DLGAP2: variants seen among roughly 807,000 people sequenced by gnomAD.
DLGAP2 encodes the protein DLG associated protein 2, also known as disks large-associated protein 2.
A neutral mutation model predicts 100.3 loss-of-function variants in DLGAP2; 26 were observed. The ratio of observed to expected loss-of-function variants is 0.26; its 90% CI spans 0.19 to 0.36. The LOEUF (loss-of-function observed/expected upper bound fraction) is 0.36. DLGAP2 is among the 10% of genes least tolerant of loss of function. The pLI is 1.00. For missense variants in DLGAP2, 1,858 were observed against 1,453.2 expected, an observed-to-expected ratio of 1.28 and a Z score of -4.53; for synonymous variants, 886 against 630.1, an observed-to-expected ratio of 1.41 and a Z score of -6.08.
intron 1 of DLGAP2, among the ~76,000 whole-genome samples, chr8:848,070 C>T (rs1386452720): frequency 6.6e-6 from 1 of 152,120 alleles, no homozygotes; most frequent in Non-Finnish European, 1.5e-5. Context: ...TGCCCTGCTC[C>T]CAGCCACAGG....
At chr8:1,058,063 A>G (rs770516237) in intron 2 of DLGAP2, among the ~76,000 whole-genome samples, 1 of 152,182 alleles carries the variant, frequency 6.6e-6, no homozygotes, top group African/African-American at 2.4e-5. Context: ...AGAAGAAAAG[A>G]TATTACCCTG....
intron 4 of DLGAP2, among the ~76,000 whole-genome samples, chr8:1,537,755 AAGGAAGG>A (rs1258619306): frequency 6.6e-6 from 1 of 151,630 alleles, no homozygotes; most frequent in African/African-American, 2.4e-5. Context: ...GGAAGGAAGG[AAGGAAGG>A]AAGGAAGGAA....
intron 1 of DLGAP2, among the ~76,000 whole-genome samples, chr8:877,656 A>G (rs1797709502): frequency 6.6e-6 from 1 of 152,198 alleles, no homozygotes; most frequent in Admixed American, 6.5e-5. Flanking sequence ...CTTATTCCCT[A>G]GTTCTTCCCT....
intron 3 of DLGAP2, among the ~76,000 whole-genome samples, chr8:1,363,095 T>C (rs759318464): frequency 6.6e-6 from 1 of 152,256 alleles, no homozygotes; most frequent in Non-Finnish European, 1.5e-5. Flanking sequence ...TTCTCATTTT[T>C]AGAAGTTGGC....
intron 3 of DLGAP2, among the ~76,000 whole-genome samples, chr8:1,267,124 C>G (rs978115719): frequency 6.6e-6 from 1 of 151,456 alleles, no homozygotes; most frequent in Non-Finnish European, 1.5e-5. Context: ...CCCAGCTACC[C>G]CTGAGACTGA....
intron 2 of DLGAP2, among the ~76,000 whole-genome samples, chr8:1,045,761 G>A (rs955344869): frequency 6.6e-6 from 1 of 152,100 alleles, no homozygotes; most frequent in African/African-American, 2.4e-5. Flanking sequence ...TTTTGGATGG[G>A]GACACCCAGA....
At chr8:764,500 A>T (rs1177347851) in intron 1 of DLGAP2, among the ~76,000 whole-genome samples, 1 of 152,236 alleles carries the variant, frequency 6.6e-6, no homozygotes, top group Middle Eastern at 3.2e-3. Context: ...TTCTGACAGG[A>T]TAACAAGTAG....
intron 6 of DLGAP2, among the ~76,000 whole-genome samples, chr8:1,578,665 G>A (rs1024834157): frequency 3.9e-5 from 6 of 152,144 alleles, no homozygotes; most frequent in Non-Finnish European, 2.9e-5. Flanking sequence ...CAGTCTTCTC[G>A]TTAATCACTT....
rs531589638 is a variant in DLGAP2 at position 818,971 on chromosome 8, G to A, written c.18+81146G>A. Among the ~76,000 whole-genome samples, 325 of 152,258 alleles carry A rather than the reference G, an allele frequency of 2.1e-3. 1 individual carries two copies. Among genetic ancestry groups the A allele is most frequent in the African/African-American group, 6.9e-3 (285 of 41,540 alleles). ...TTTTCATAGATGTCTTTTTACAAGA[G>A]GAACTGGCTCAGATATTTTATAGGT... On this transcript the variant is annotated intron_variant, in intron 1 of 14. Coordinates refer to ENST00000637795, the MANE Select transcript of DLGAP2 (RefSeq NM_001346810.2).
intron 3 of DLGAP2, among the ~76,000 whole-genome samples, chr8:1,348,661 G>C (rs76646166): frequency 2.0e-5 from 3 of 151,844 alleles, no homozygotes; most frequent in African/African-American, 4.8e-5. Context: ...CTCTCATGGT[G>C]GCTGTGTGGA....
At chr8:787,093 A>G (rs1450088570) in intron 1 of DLGAP2, among the ~76,000 whole-genome samples, 3 of 152,156 alleles carry the variant, frequency 2.0e-5, no homozygotes, top group African/African-American at 7.2e-5. Context: ...ATTCTAGGTA[A>G]ACTGACGATG....
chr8:1,332,739 C>T (rs910950471), intron 3 of DLGAP2, among the ~76,000 whole-genome samples: 14 of 152,318 alleles, frequency 9.2e-5, no homozygotes, highest in African/African-American at 7.2e-5. Flanking sequence ...TCACCTCTCA[C>T]GCCCCAGACC....
intron 3 of DLGAP2, among the ~76,000 whole-genome samples, chr8:1,336,731 G>A (rs1315999182): frequency 2.0e-5 from 3 of 152,220 alleles, no homozygotes; most frequent in South Asian, 4.1e-4. Flanking sequence ...GATGCATTCA[G>A]TGACCTCTCA....
intron 4 of DLGAP2, among the ~76,000 whole-genome samples, chr8:1,528,414 C>G (rs913936445): frequency 6.6e-6 from 1 of 152,244 alleles, no homozygotes; most frequent in Admixed American, 6.5e-5. Flanking sequence ...AAACAGAAGA[C>G]GTCATAAACT....
chr8:1,192,917 G>A (rs1159994170), intron 2 of DLGAP2, among the ~76,000 whole-genome samples: 4 of 151,844 alleles, frequency 2.6e-5, no homozygotes, highest in African/African-American at 9.7e-5. Context: ...GTGAGAACAT[G>A]CGGTGTTTGG....
intron 2 of DLGAP2, among the ~76,000 whole-genome samples, chr8:984,888 G>A (rs6651451): frequency 2.6e-5 from 4 of 152,272 alleles, no homozygotes; most frequent in African/African-American, 9.6e-5. Flanking sequence ...GTCTGTGTCT[G>A]TTACTATTGA....
chr8:1,649,728 C>T lies in DLGAP2; in HGVS notation c.1810+16682C>T, dbSNP rs537890895. Among the ~76,000 whole-genome samples the T allele has an allele frequency of 3.0e-4, 46 of 152,216 alleles. 2 individuals are homozygous for T. The South Asian group carries it at 8.9e-3, about 30-fold the overall frequency. ...TTTAATTATATTGGATTTATTTCAT[C>T]CTAACATAGGTATTAAGATAGAGGA... On this transcript the variant is annotated intron_variant, in intron 8 of 14. Coordinates refer to ENST00000637795, the MANE Select transcript of DLGAP2 (RefSeq NM_001346810.2).
At chr8:773,066 T>A (rs1821408204) in intron 1 of DLGAP2, among the ~76,000 whole-genome samples, 2 of 152,180 alleles carry the variant, frequency 1.3e-5, no homozygotes, top group African/African-American at 4.8e-5. Flanking sequence ...GACAGATCTG[T>A]TGAGCTGCTT....
intron 3 of DLGAP2, among the ~76,000 whole-genome samples, chr8:1,376,661 CCGG>C (rs1802396413): frequency 7.9e-6 from 1 of 126,270 alleles, no homozygotes; most frequent in Non-Finnish European, 1.7e-5. Flanking sequence ...CACTCTGACC[CCGG>C]TGGGATGTGT....
Sources: gnomAD v4.1 joint callset for allele counts (sites outside exome capture counted in the v4.1 genomes callset) on GRCh38, gnomAD v4.1.1 for gene constraint, MANE v1.5 for transcripts, NCBI Gene and HGNC (gene_info 2026-07-23, HGNC 2026-07-21) for gene names.